MDM4: variants seen among roughly 807,000 people sequenced by gnomAD.
MDM4 encodes MDM4 regulator of p53, also known as protein Mdm4.
Under a neutral mutation model 60.2 loss-of-function variants are expected in MDM4, and 2 were observed. The observed-to-expected ratio is 0.03, with a 90% CI of 0.01 to 0.10. The LOEUF (loss-of-function observed/expected upper bound fraction) is 0.10, where lower values mean the gene tolerates loss of function less well. MDM4 is among the 10% of genes least tolerant of loss of function. The pLI, the probability that MDM4 is intolerant of heterozygous loss-of-function variation, is 1.00. For missense variants in MDM4, 447 were observed against 577.5 expected (o/e 0.77, Z 2.32); for synonymous variants, 202 against 198.1 (o/e 1.02, Z -0.17).
intron 7 of MDM4, among the ~76,000 whole-genome samples, chr1:204,539,205 C>T (rs979270920): frequency 2.8e-4 from 43 of 152,160 alleles, no homozygotes; most frequent in African/African-American, 9.4e-4. Flanking sequence ...AGGCTGGTCT[C>T]GAACTACTGG....
chr1:204,531,035 T>A (rs1482711582), intron 4 of MDM4, among the ~76,000 whole-genome samples: 1 of 152,180 alleles, frequency 6.6e-6, no homozygotes, highest in African/African-American at 2.4e-5. Flanking sequence ...TTGCCCATCT[T>A]AGTCAAATAA....
At position 204,520,169 on chromosome 1, in the gene MDM4, C is replaced by A. The variant is rs1052713322; in HGVS notation, c.-36+3660C>A. On this transcript the variant is annotated intron_variant, in intron 1 of 10. Coordinates refer to ENST00000367182, the MANE Select transcript of MDM4 (RefSeq NM_002393.5). Reference sequence around the variant, plus strand: ...GTGGACGCCTGTAGTCCCAGCTACGCGGGAGGCTGAGGCAGAAGAATGGCA... The same window carrying A: ...GTGGACGCCTGTAGTCCCAGCTACGAGGGAGGCTGAGGCAGAAGAATGGCA... Among the ~76,000 whole-genome samples the A allele has an allele frequency of 4.0e-5, 6 of 149,342 alleles. 1 individual carries two copies. Among genetic ancestry groups the A allele is most frequent in the East Asian group, 4.0e-4 (2 of 5,012 alleles).
At position 204,556,929 on chromosome 1, in the gene MDM4, A is replaced by G. The variant is rs1260649960; in HGVS notation, c.*7247A>G. On this transcript the variant is annotated 3_prime_UTR_variant, in exon 11 of 11. Transcript: ENST00000367182. ...ATATGACTTTCTTTAGTCTCTAGCT[A>G]TGCACTATTAAGTGCCTCTTGGGTA... 9.6e-6 allele frequency: 2 copies of G among 208,490 alleles called. No homozygotes were observed. Among genetic ancestry groups the G allele is most frequent in the African/African-American group, 2.3e-5 (1 of 43,930 alleles). 12.9% of individuals were successfully genotyped at this position (208,490 alleles called of 1,614,324 possible). A position where few individuals can be genotyped will look rare whatever the true frequency, so the allele number is the denominator to read the frequency against.
At chr1:204,529,997 C>T (rs1052954751) in intron 3 of MDM4, among the ~76,000 whole-genome samples, 1 of 152,156 alleles carries the variant, frequency 6.6e-6, no homozygotes, top group Admixed American at 6.5e-5. Context: ...CCGCCTCAGC[C>T]TTCCTAGTAG....
At position 204,551,832 on chromosome 1, in the gene MDM4, T is replaced by G; in HGVS notation, c.*2150T>G. 4.6e-6 allele frequency: 1 copy of G among 218,628 alleles called. No individual in the cohort carries two copies. The highest frequency in any genetic ancestry group is 6.7e-5 in the East Asian group (1 of 14,854). 13.5% of individuals were successfully genotyped at this position (218,628 alleles called of 1,614,324 possible). The stretch of plus-strand genomic sequence containing the variant: ...CATTTGAACAAGTGTTCCTGGAATC[T>G]CTATGCAAGTTTTATACAGAACATA... On this transcript the variant is annotated 3_prime_UTR_variant, in exon 11 of 11. Coordinates refer to ENST00000367182, the MANE Select transcript of MDM4 (RefSeq NM_002393.5).
At chr1:204,519,194 C>G (rs760217475) in intron 1 of MDM4, among the ~76,000 whole-genome samples, 1 of 152,142 alleles carries the variant, frequency 6.6e-6, no homozygotes, top group Non-Finnish European at 1.5e-5. Flanking sequence ...ATCTTTACAG[C>G]AATAGCAAGC....
rs1663559201 is a variant in MDM4 at position 204,556,677 on chromosome 1, C to CA, written c.*6996dup. On this transcript the variant is annotated 3_prime_UTR_variant, in exon 11 of 11. Transcript: ENST00000367182. ...CACCACTGCAATCCAAGGTGGGTGA[C>CA]AGAGACGCTGTCTCAAAGAAATTGA... 9.5e-6 allele frequency: 2 copies of CA among 210,428 alleles called. No individual in the cohort carries two copies. The allele number at this position is 210,428 out of a possible 1,614,324, so 13.0% of individuals were successfully genotyped here. A position where few individuals can be genotyped will look rare whatever the true frequency, so the allele number is the denominator to read the frequency against.
chr1:204,539,534 G>GTTTT (rs1661808852), intron 7 of MDM4, among the ~76,000 whole-genome samples: 2 of 120,600 alleles, frequency 1.7e-5, no homozygotes, highest in Non-Finnish European at 3.8e-5. Flanking sequence ...TTTTTGTTTT[G>GTTTT]TTTTGTTTTT....
At chr1:204,535,959 G>T (rs1661365547) in intron 5 of MDM4, among the ~76,000 whole-genome samples, 1 of 152,056 alleles carries the variant, frequency 6.6e-6, no homozygotes, top group Admixed American at 6.6e-5. Flanking sequence ...TAATAGGATT[G>T]CTTTATTAAA....
rs1465289942 is a variant in MDM4 at position 204,550,165 on chromosome 1, G to T, written c.*483G>T. 1.3e-5 allele frequency: 3 copies of T among 234,052 alleles called. No individual in the cohort carries two copies. The highest frequency in any genetic ancestry group is 2.5e-5 in the Non-Finnish European group (3 of 119,560). The allele number at this position is 234,052 out of a possible 1,614,324, so 14.5% of individuals were successfully genotyped here. The stretch of plus-strand genomic sequence containing the variant: ...TTTTTGCACTTTTTTTTTTCCGGGG[G>T]TATAGGGGAGGTGTGGGGCGACAGG... On this transcript the variant is annotated 3_prime_UTR_variant, in exon 11 of 11. Coordinates refer to ENST00000367182, the MANE Select transcript of MDM4 (RefSeq NM_002393.5).
Position 204,516,412 on chromosome 1 carries a change from C to T in MDM4, c.-133C>T, listed in dbSNP as rs1658970225. The T allele has an allele frequency of 6.6e-6, 1 of 152,254 alleles. No homozygotes were observed. 9.4% of individuals were successfully genotyped at this position (152,254 alleles called of 1,614,324 possible). A position where few individuals can be genotyped will look rare whatever the true frequency, so the allele number is the denominator to read the frequency against. ...GGCCGGAAGTTGCGGCTTCATTACT[C>T]GCCATTTCAAAATGCTGCCGAGGCC... is the stretch of plus-strand genomic sequence containing the variant. On this transcript the variant is annotated 5_prime_UTR_variant, in exon 1 of 11. Transcript: ENST00000367182.
At chr1:204,516,544 G>C (rs1477893953) in intron 1 of MDM4, 35 bp downstream of exon 1, 1 of 152,380 alleles carries the variant, frequency 6.6e-6, no homozygotes, top group Non-Finnish European at 1.5e-5. Flanking sequence ...GGGGTGCCGG[G>C]AGCGGGAGCT....
At chr1:204,523,864 C>T (rs1199444758) in intron 1 of MDM4, among the ~76,000 whole-genome samples, 1 of 152,130 alleles carries the variant, frequency 6.6e-6, no homozygotes, top group East Asian at 1.9e-4. Flanking sequence ...ATCCCTGACG[C>T]AGGTAGCCCC....
intron 1 of MDM4, among the ~76,000 whole-genome samples, chr1:204,521,426 C>G (rs933376378): frequency 6.6e-6 from 1 of 151,978 alleles, no homozygotes; most frequent in Non-Finnish European, 1.5e-5. Context: ...AAGGACACCT[C>G]GAGACCGTTG....
rs553463849 is a variant in MDM4, at chr1:204,529,121, A to G, written c.154-1563A>G. 38 of 1,208,804 alleles carry G rather than the reference A, an allele frequency of 3.1e-5. No individual in the cohort carries two copies. The Admixed American group carries it at 7.2e-4, about 23-fold the overall frequency. The allele number at this position is 1,208,804 out of a possible 1,614,324, so 74.9% of individuals were successfully genotyped here. On this transcript the variant is annotated intron_variant, in intron 3 of 10. Transcript: ENST00000367182. Reference sequence around the variant, plus strand: ...TGGAGCCTGAGTTGTCCCAGTCATAACTGCTGGAAGAGCTGCTTCCACTGC... The same window carrying G: ...TGGAGCCTGAGTTGTCCCAGTCATAGCTGCTGGAAGAGCTGCTTCCACTGC...
rs557948518 is a variant in MDM4 at position 204,554,155 on chromosome 1, A to G, written c.*4473A>G. On this transcript the variant is annotated 3_prime_UTR_variant, in exon 11 of 11. Coordinates refer to ENST00000367182, the MANE Select transcript of MDM4 (RefSeq NM_002393.5). ...GGCTGCCTTTTGAAGTCTTTGATAT[A>G]TTGGTGAATATTCTTCTGATCTATA... 1.5e-4 allele frequency: 35 copies of G among 228,206 alleles called. No individual in the cohort carries two copies. The highest frequency in any genetic ancestry group is 7.1e-4 in the African/African-American group (32 of 45,188). 14.1% of individuals were successfully genotyped at this position (228,206 alleles called of 1,614,324 possible).
intron 5 of MDM4, chr1:204,532,626 A>G (rs977764452): frequency 1.4e-6 from 1 of 705,644 alleles, no homozygotes; most frequent in African/African-American, 1.8e-5. Flanking sequence ...TCCCCCAGTT[A>G]TCTCAAAAAT....
chr1:204,544,515 G>C lies in MDM4; in HGVS notation c.673-20G>C, dbSNP rs772386000. 34 of 1,590,106 alleles carry C rather than the reference G, an allele frequency of 2.1e-5. No homozygotes were observed. On this transcript the variant is annotated intron_variant, in intron 8 of 10. Coordinates refer to ENST00000367182, the MANE Select transcript of MDM4 (RefSeq NM_002393.5). ...TAAACCTCTGAATACAGAAACTCAT[G>C]TTTGTTTTTTTTCTGTTAGGATGTG...
At chr1:204,526,926 T>A (rs1342666278) in intron 3 of MDM4, among the ~76,000 whole-genome samples, 3 of 152,142 alleles carry the variant, frequency 2.0e-5, no homozygotes, top group African/African-American at 7.2e-5. Context: ...TCTTTTGAAG[T>A]GTGTTATAAG....
Sources: allele counts gnomAD v4.1 joint callset (sites outside exome capture counted in the v4.1 genomes callset), GRCh38; gene constraint gnomAD v4.1.1; transcripts MANE v1.5; gene names NCBI Gene and HGNC (gene_info 2026-07-23, HGNC 2026-07-21).